RET: variants seen among roughly 807,000 people sequenced by gnomAD.
The protein encoded by RET is proto-oncogene tyrosine-protein kinase receptor Ret.
In RET, 19 loss-of-function variants were observed where a neutral mutation model predicts 118.3. The ratio of observed to expected loss-of-function variants is 0.16; its 90% CI spans 0.11 to 0.24. The LOEUF (loss-of-function observed/expected upper bound fraction) is 0.24. Ranked by LOEUF, RET falls within the 10% of genes least tolerant of loss-of-function variation. The pLI is 1.00. For missense variants in RET, 1,219 were observed against 1,502.1 expected (o/e 0.81, Z 3.12); for synonymous variants, 597 against 644.1 (o/e 0.93, Z 1.11).
At chr10:43,116,924 C>T (rs1447228076) in intron 12 of RET, among the ~76,000 whole-genome samples, 193 bp downstream of exon 12, 4 of 152,262 alleles carry the variant, frequency 2.6e-5, no homozygotes, top group Admixed American at 2.6e-4. Flanking sequence ...CCCTGGAAGG[C>T]TCTAGAGGTG....
Position 43,104,940 on chromosome 10 carries a change from C to T in RET, c.626-12C>T, listed in dbSNP as rs1456639034. 6.4e-7 allele frequency: 1 copy of T among 1,555,784 alleles called. No individual in the cohort carries two copies. The highest frequency in any genetic ancestry group is 1.9e-5 in the Admixed American group (1 of 52,898). ...GGTGATCACGCGGGGCCCCTGTCTG[C>T]TTGGTGCGCAGGTGAGGGTCTGCCC... On this transcript the variant is annotated splice_polypyrimidine_tract_variant and intron_variant, in intron 3 of 19. Coordinates refer to ENST00000355710, the MANE Select transcript of RET (RefSeq NM_020975.6).
At chr10:43,104,859 C>T (rs1328956160) in intron 3 of RET, 93 bp from the exon 4 acceptor site, 7 of 1,504,868 alleles carry the variant, frequency 4.7e-6, no homozygotes, top group Non-Finnish European at 5.3e-6. Flanking sequence ...CGGTGTGCGC[C>T]CCGCTCTGAC....
chr10:43,122,436 C>T (rs898207737), intron 16 of RET, among the ~76,000 whole-genome samples: 2 of 152,204 alleles, frequency 1.3e-5, no homozygotes, highest in African/African-American at 4.8e-5. Context: ...CTTGGGGACT[C>T]CACCTGAAGA....
intron 1 of RET, among the ~76,000 whole-genome samples, chr10:43,089,604 A>G (rs577796649): frequency 1.1e-3 from 164 of 152,326 alleles, no homozygotes; most frequent in Middle Eastern, 3.4e-3. Flanking sequence ...GACATTGTCA[A>G]GAGGCAGAAC....
At chr10:43,087,411 A>T (rs1158135558) in intron 1 of RET, among the ~76,000 whole-genome samples, 1 of 152,242 alleles carries the variant, frequency 6.6e-6, no homozygotes, top group Non-Finnish European at 1.5e-5. Context: ...TCACCAGGAC[A>T]CCAGGGAAGG....
intron 3 of RET, among the ~76,000 whole-genome samples, chr10:43,104,471 C>G (rs913928022): frequency 2.0e-5 from 3 of 151,990 alleles, no homozygotes; most frequent in Admixed American, 6.5e-5. Flanking sequence ...GAGCCAAGAT[C>G]GCGCCACTGC....
chr10:43,128,690 A>G lies in RET; in HGVS notation c.*421A>G, dbSNP rs2090487335. 5.1e-6 allele frequency: 2 copies of G among 389,284 alleles called. No individual in the cohort carries two copies. The highest frequency in any genetic ancestry group is 9.6e-6 in the Non-Finnish European group (2 of 207,964). 24.1% of individuals were successfully genotyped at this position (389,284 alleles called of 1,614,324 possible). A position where few individuals can be genotyped will look rare whatever the true frequency, so the allele number is the denominator to read the frequency against. On this transcript the variant is annotated 3_prime_UTR_variant, in exon 20 of 20. Coordinates refer to ENST00000355710, the MANE Select transcript of RET (RefSeq NM_020975.6). ...AGGCAAAAAAATTTAAACATGAAGC[A>G]CACACACAAAAAAGGCAGTAGGAAA...
In RET at chr10:43,130,010, T is replaced by C. The variant is rs939104646; in HGVS notation, c.*1741T>C. On this transcript the variant is annotated 3_prime_UTR_variant, in exon 20 of 20. Coordinates refer to ENST00000355710, the MANE Select transcript of RET (RefSeq NM_020975.6). ...TGCCTACACAGTAAGTGTGAATTGC[T>C]GCAACAGGTTTGTTCTCAGGAGGGT... 2.5e-6 allele frequency: 1 copy of C among 398,838 alleles called. No individual in the cohort carries two copies. Among genetic ancestry groups the C allele is most frequent in the Non-Finnish European group, 4.4e-6 (1 of 226,064 alleles). 24.7% of individuals were successfully genotyped at this position (398,838 alleles called of 1,614,324 possible).
In RET at chr10:43,100,586, C is replaced by A. The variant is rs200328158; in HGVS notation, c.201C>A (p.Arg67=). ...CCCCTGAGGAGGTGCCCAGCTTCCGCCTGGGCCAGCATCTCTACGGCACGT... is the reference window on the plus strand; with the variant it reads ...CCCCTGAGGAGGTGCCCAGCTTCCGACTGGGCCAGCATCTCTACGGCACGT... ...RDAPEEVPSF[R]LGQHLYGTYR... is the part of the protein sequence containing the mutation. Residue 67 remains arginine, a synonymous_variant, in exon 2 of 20, where the codon CGC becomes CGA. Transcript: ENST00000355710. The A allele has an allele frequency of 6.2e-7, 1 of 1,613,930 alleles. No individual in the cohort carries two copies. Among genetic ancestry groups the A allele is most frequent in the East Asian group, 2.2e-5 (1 of 44,872 alleles).
At chr10:43,113,833 G>C (rs1838001018) in intron 10 of RET, among the ~76,000 whole-genome samples, 158 bp downstream of exon 10, 1 of 152,190 alleles carries the variant, frequency 6.6e-6, no homozygotes, top group East Asian at 1.9e-4. Flanking sequence ...CCACCCAGGA[G>C]AGGGGCCAGG....
At chr10:43,127,789 G>T (rs1231721095) in intron 19 of RET, among the ~76,000 whole-genome samples, 6 of 152,168 alleles carry the variant, frequency 3.9e-5, no homozygotes, top group Non-Finnish European at 8.8e-5. Context: ...AAGCCATTGA[G>T]TGCAGCAGTG....
chr10:43,079,170 C>A (rs1837122247), intron 1 of RET, among the ~76,000 whole-genome samples: 1 of 152,182 alleles, frequency 6.6e-6, no homozygotes, highest in Non-Finnish European at 1.5e-5. Flanking sequence ...GAGGGTTCTT[C>A]CACAGCTCAC....
chr10:43,106,459 G>A lies in RET; in HGVS notation c.951G>A (p.Thr317=), dbSNP rs375812189. 3 of 1,613,412 alleles carry A rather than the reference G, an allele frequency of 1.9e-6. No homozygotes were observed. Among genetic ancestry groups the A allele is most frequent in the Non-Finnish European group, 2.5e-6 (3 of 1,179,756 alleles). ...SGELVRRYTS[T]LLPGDTWAQQ... is the part of the protein sequence containing the mutation. Reference sequence around the variant, plus strand: ...AGCTGGTGAGGCGGTACACAAGCACGCTGCTCCCCGGGGACACCTGGGCCC... The same window carrying A: ...AGCTGGTGAGGCGGTACACAAGCACACTGCTCCCCGGGGACACCTGGGCCC... The change falls in exon 5 of 20, where the codon ACG becomes ACA. Residue 317 remains threonine (T), a synonymous_variant. Coordinates refer to ENST00000355710, the MANE Select transcript of RET (RefSeq NM_020975.6). This position sits in a 1 kb window ranked among gnomAD's most constrained non-coding sequence, Gnocchi z 5.1.
chr10:43,099,392 TC>T (rs1411957776), intron 1 of RET, among the ~76,000 whole-genome samples: 1 of 151,954 alleles, frequency 6.6e-6, no homozygotes, highest in Non-Finnish European at 1.5e-5. Context: ...ATGCCTGTAA[TC>T]CCAGCTACTG....
rs754584470 is a variant in RET, at chr10:43,116,786, G to A, written c.2284+55G>A. On this transcript the variant is annotated intron_variant, in intron 12 of 19. Transcript: ENST00000355710. ...TGGGGGAGTCTCCGGGGCGGGGGGC[G>A]GGTGAGGCCCCTCCTGCCCAGCATG... 1.3e-4 allele frequency: 134 copies of A among 1,065,196 alleles called. 5 individuals carry two copies. Among genetic ancestry groups the A allele is most frequent in the Non-Finnish European group, 1.8e-4 (124 of 691,192 alleles). The allele number at this position is 1,065,196 out of a possible 1,614,324, so 66.0% of individuals were successfully genotyped here.
chr10:43,112,754 A>C (rs1837969015), intron 8 of RET, 99 bp from the exon 9 acceptor site: 1 of 903,388 alleles, frequency 1.1e-6, no homozygotes, highest in African/African-American at 1.6e-5. Context: ...TCAGGCCTCC[A>C]GTTGCTCCTC....
At chr10:43,082,510 T>C (rs1837207016) in intron 1 of RET, among the ~76,000 whole-genome samples, 1 of 152,192 alleles carries the variant, frequency 6.6e-6, no homozygotes, top group Non-Finnish European at 1.5e-5. Flanking sequence ...GCTGGGGCTC[T>C]GTGCTCAGGG....
rs1456653840 is a variant in RET, at chr10:43,114,961, G to A, written c.2136+225G>A. 6.6e-6 allele frequency among the ~76,000 whole-genome samples: 1 copy of A among 152,170 alleles called. No individual in the cohort carries two copies. Among genetic ancestry groups the A allele is most frequent in the African/African-American group, 2.4e-5 (1 of 41,436 alleles). On this transcript the variant is annotated intron_variant, in intron 11 of 19. Transcript: ENST00000355710. This position sits in a 1 kb window ranked among gnomAD's most constrained non-coding sequence, Gnocchi z 4.6. ...CATCTAGGTGAGAGGCAGTGGTCAG[G>A]GTCACAGCATCGGGCAGGGGAGCAG...
chr10:43,104,072 G>A (rs1162070651), intron 3 of RET, among the ~76,000 whole-genome samples: 2 of 152,224 alleles, frequency 1.3e-5, no homozygotes, highest in South Asian at 2.1e-4. Flanking sequence ...CGGAGCATTC[G>A]CTTTTGTCTC....
Sources: allele counts gnomAD v4.1 joint callset (sites outside exome capture counted in the v4.1 genomes callset), GRCh38; gene constraint gnomAD v4.1.1; non-coding constraint Gnocchi (gnomAD v3.1); transcripts MANE v1.5; gene names NCBI Gene and HGNC (gene_info 2026-07-23, HGNC 2026-07-21).